LOC400499: variants seen among roughly 807,000 people sequenced by gnomAD.
At chr16:11,392,394 G>C in the LOC400499 span, 2 of 398,998 alleles carry the variant, frequency 5.0e-6, no homozygotes, top group Non-Finnish European at 8.8e-6. Context: ...TGCAGGGTCA[G>C]GCGTCCCAGC....
the LOC400499 span, among the ~76,000 whole-genome samples, chr16:11,408,948 G>C: frequency 6.2e-4 from 94 of 151,970 alleles, no homozygotes; most frequent in African/African-American, 2.2e-3. Context: ...ATTTTTTAGT[G>C]TCTAAAAAAT....
At chr16:11,435,531 G>A in the LOC400499 span, 4 of 397,708 alleles carry the variant, frequency 1.0e-5, no homozygotes, top group East Asian at 7.1e-5. Context: ...GCACCAATGG[G>A]GCTGACTTGG....
the LOC400499 span, chr16:11,393,626 G>A: frequency 1.7e-5 from 20 of 1,203,170 alleles, no homozygotes; most frequent in Admixed American, 8.5e-5. Flanking sequence ...TCCCCTGCCC[G>A]CCCCAGGCTC....
chr16:11,430,975 T>C, the LOC400499 span: 1 of 398,774 alleles, frequency 2.5e-6, no homozygotes, highest in Middle Eastern at 6.3e-4. Flanking sequence ...GAAATGAATC[T>C]ACCTTGCAGT....
chr16:11,386,143 A>C, the LOC400499 span, among the ~76,000 whole-genome samples: 5 of 152,214 alleles, frequency 3.3e-5, no homozygotes, highest in Admixed American at 3.3e-4. Flanking sequence ...AGGTCCCTCA[A>C]ACACAAGACT....
chr16:11,463,176 G>A, the LOC400499 span, among the ~76,000 whole-genome samples: 2 of 152,134 alleles, frequency 1.3e-5, no homozygotes, highest in Non-Finnish European at 2.9e-5. Context: ...CCACGGCCCC[G>A]CAAAGAAGAT....
the LOC400499 span, among the ~76,000 whole-genome samples, chr16:11,519,741 T>C: frequency 5.7e-4 from 86 of 151,878 alleles, no homozygotes; most frequent in African/African-American, 1.9e-3. Context: ...GTTTTGCTCT[T>C]GTTTTCCAGG....
At chr16:11,469,869 G>A in the LOC400499 span, among the ~76,000 whole-genome samples, 22 of 152,124 alleles carry the variant, frequency 1.4e-4, no homozygotes, top group African/African-American at 5.1e-4. Flanking sequence ...AAGCGGCTGC[G>A]GTGCACACTC....
At chr16:11,412,959 G>A in the LOC400499 span, 1 of 399,318 alleles carries the variant, frequency 2.5e-6, no homozygotes, top group Non-Finnish European at 4.4e-6. Flanking sequence ...ACGAGCTGAG[G>A]AGGGAGCAGG....
At chr16:11,515,965 G>GCGTC in the LOC400499 span, 9 of 388,130 alleles carry the variant, frequency 2.3e-5, no homozygotes, top group Non-Finnish European at 3.6e-5. Context: ...GGAGTGATGA[G>GCGTC]CGTCCCCTGC....
At chr16:11,504,732 G>A in the LOC400499 span, among the ~76,000 whole-genome samples, 5 of 152,120 alleles carry the variant, frequency 3.3e-5, no homozygotes, top group Admixed American at 2.0e-4. Context: ...AGACCAGCCT[G>A]GCCAACATGG....
At chr16:11,425,142 C>T in the LOC400499 span, 1 of 399,002 alleles carries the variant, frequency 2.5e-6, no homozygotes, top group Non-Finnish European at 4.4e-6. Context: ...ACTCAGCGTG[C>T]TGATATTGTG....
chr16:11,435,835 C>T, the LOC400499 span: 1 of 399,212 alleles, frequency 2.5e-6, no homozygotes, highest in African/African-American at 2.1e-5. Context: ...CAGATAGAGA[C>T]CCGTTGAGGC....
chr16:11,443,863 C>G, the LOC400499 span, among the ~76,000 whole-genome samples: 1 of 150,032 alleles, frequency 6.7e-6, no homozygotes, highest in Non-Finnish European at 1.5e-5. Flanking sequence ...GAGACCAAGT[C>G]TCTCTCTGTC....
chr16:11,489,002 G>C, the LOC400499 span: 3 of 395,596 alleles, frequency 7.6e-6, no homozygotes, highest in African/African-American at 2.1e-5. Flanking sequence ...CAGGAGTCTG[G>C]CTACAGAGAC....
the LOC400499 span, among the ~76,000 whole-genome samples, chr16:11,468,638 C>CT: frequency 1.3e-5 from 2 of 151,728 alleles, no homozygotes; most frequent in South Asian, 2.1e-4. Flanking sequence ...TTCTTTCTTT[C>CT]TTTTTTTGAG....
chr16:11,515,509 A>G, the LOC400499 span, among the ~76,000 whole-genome samples: 3 of 151,728 alleles, frequency 2.0e-5, no homozygotes, highest in Non-Finnish European at 2.9e-5. Flanking sequence ...GTACGTACAT[A>G]CATACATACA....
the LOC400499 span, among the ~76,000 whole-genome samples, chr16:11,501,708 C>A: frequency 6.6e-6 from 1 of 151,800 alleles, no homozygotes; most frequent in Admixed American, 6.6e-5. Context: ...CCGGCCCTGC[C>A]CAGCACCCCC....
the LOC400499 span, among the ~76,000 whole-genome samples, chr16:11,413,511 C>G: frequency 8.5e-5 from 13 of 152,264 alleles, no homozygotes; most frequent in South Asian, 2.7e-3. Flanking sequence ...AGGACGAGTT[C>G]ATGCCAAGTG....
Sources: allele counts gnomAD v4.1 joint callset (sites outside exome capture counted in the v4.1 genomes callset), GRCh38; gene constraint gnomAD v4.1.1; transcripts MANE v1.5.